SLC2A12: variants seen among roughly 807,000 people sequenced by gnomAD.
SLC2A12 encodes solute carrier family 2, facilitated glucose transporter member 12.
In SLC2A12, 23 loss-of-function variants were observed where a neutral mutation model predicts 41.8. That is an observed-to-expected ratio of 0.55 (90% CI 0.40 to 0.78). The LOEUF (loss-of-function observed/expected upper bound fraction) is 0.78, where lower values mean the gene tolerates loss of function less well. Among genes scored for constraint, SLC2A12 ranks in the 30% least tolerant of loss-of-function variants. The pLI is 0.00. For synonymous variants in SLC2A12, 295 were observed against 285.9 expected (o/e 1.03, Z -0.32); for missense variants, 654 against 745.6 (o/e 0.88, Z 1.43).
At chr6:134,046,154 A>G (rs1414882023) in intron 1 of SLC2A12, among the ~76,000 whole-genome samples, 1 of 152,042 alleles carries the variant, frequency 6.6e-6, no homozygotes, top group African/African-American at 2.4e-5. Context: ...ATAACTCCCA[A>G]CTCTAACTTC....
intron 2 of SLC2A12, among the ~76,000 whole-genome samples, chr6:134,008,440 T>C (rs1776840769): frequency 6.6e-6 from 1 of 152,200 alleles, no homozygotes; most frequent in Admixed American, 6.5e-5. Context: ...GCGTAATTAT[T>C]ATTGTTGTTC....
Position 133,988,595 on chromosome 6 carries a change from T to C in SLC2A12, c.*2560A>G, listed in dbSNP as rs1247387281. 1 of 152,214 alleles carries C rather than the reference T, an allele frequency of 6.6e-6. No individual in the cohort carries two copies. Among genetic ancestry groups the C allele is most frequent in the Non-Finnish European group, 1.5e-5 (1 of 68,038 alleles). The allele number at this position is 152,214 out of a possible 1,614,324, so 9.4% of individuals were successfully genotyped here. On this transcript the variant is annotated 3_prime_UTR_variant, in exon 5 of 5. Coordinates refer to ENST00000275230, the MANE Select transcript of SLC2A12 (RefSeq NM_145176.3). Reference sequence around the variant, plus strand: ...TAGGCACTGCACTGAACAACACATATTATTTTTATCTTTTTTCTTCTCAAT... The same window carrying C: ...TAGGCACTGCACTGAACAACACATACTATTTTTATCTTTTTTCTTCTCAAT...
At position 134,032,016 on chromosome 6, in the gene SLC2A12, T is replaced by C. The variant is rs568367886; in HGVS notation, c.104-2295A>G. On this transcript the variant is annotated intron_variant, in intron 1 of 4. Transcript: ENST00000275230. ...GTAAGTCAAATGTTAGAAATGTGAT[T>C]ACACACACGGTTTTCATAGGCTGAG... is the stretch of plus-strand genomic sequence containing the variant. Among the ~76,000 whole-genome samples the C allele has an allele frequency of 1.1e-4, 17 of 152,244 alleles. No individual in the cohort carries two copies. In the South Asian group the frequency reaches 3.3e-3, roughly 30 times the overall value.
chr6:134,016,995 A>AGAGTC (rs61244235), intron 2 of SLC2A12, among the ~76,000 whole-genome samples: 59,753 of 151,558 alleles, frequency 0.39, 11,720 homozygotes, highest in South Asian at 0.46. Flanking sequence ...TTTTTGGTAA[A>AGAGTC]AAGTTTAAAT....
intron 1 of SLC2A12, among the ~76,000 whole-genome samples, chr6:134,034,982 A>G (rs7767456): frequency 0.081 from 12,292 of 151,888 alleles, 1,389 homozygotes; most frequent in African/African-American, 0.25. Flanking sequence ...CAGAAGTGGA[A>G]ACTACCTGGA....
chr6:134,046,879 T>C (rs191659660), intron 1 of SLC2A12, among the ~76,000 whole-genome samples: 4 of 152,036 alleles, frequency 2.6e-5, no homozygotes, highest in African/African-American at 9.6e-5. Flanking sequence ...TGCTACAACA[T>C]GGGAAGAAAA....
rs369678921 is a variant in SLC2A12 at position 134,029,330 on chromosome 6, G to A, written c.495C>T (p.Gly165=). Residue 165 remains glycine, a synonymous_variant, in exon 2 of 5, where the codon GGC becomes GGT. Coordinates refer to ENST00000275230, the MANE Select transcript of SLC2A12 (RefSeq NM_145176.3). ...TCAGCTCATTCAGTGACACAAGAAG[G>A]CCTCTTCTGTGTTGAGGAGCAATCT... The part of the protein sequence containing the change: ...IAEIAPQHRR[G]LLVSLNELMI... The A allele has an allele frequency of 2.5e-6, 4 of 1,614,170 alleles. No individual in the cohort carries two copies. Among genetic ancestry groups the A allele is most frequent in the South Asian group, 1.1e-5 (1 of 91,086 alleles).
intron 1 of SLC2A12, among the ~76,000 whole-genome samples, chr6:134,047,375 T>C (rs1316409444): frequency 3.3e-5 from 5 of 152,204 alleles, no homozygotes. Flanking sequence ...AAAGGCTAGA[T>C]AGTACCGAGA....
At chr6:134,045,923 G>A (rs1777449630) in intron 1 of SLC2A12, among the ~76,000 whole-genome samples, 1 of 152,164 alleles carries the variant, frequency 6.6e-6, no homozygotes, top group African/African-American at 2.4e-5. Flanking sequence ...AAAATTGGCA[G>A]TACCTACATA....
At chr6:134,026,105 C>A (rs1012163098) in intron 2 of SLC2A12, among the ~76,000 whole-genome samples, 13 of 152,070 alleles carry the variant, frequency 8.5e-5, no homozygotes, top group Non-Finnish European at 1.6e-4. Flanking sequence ...ACCCTTTTAA[C>A]CTGAGAGGTT....
intron 1 of SLC2A12, among the ~76,000 whole-genome samples, chr6:134,038,839 G>C (rs918914559): frequency 1.3e-5 from 2 of 150,626 alleles, no homozygotes; most frequent in Admixed American, 6.6e-5. Context: ...TGAGTAGCTG[G>C]GATTACAGGT....
chr6:134,012,518 AT>A (rs1776900391), intron 2 of SLC2A12, among the ~76,000 whole-genome samples: 2 of 152,292 alleles, frequency 1.3e-5, no homozygotes, highest in Admixed American at 6.5e-5. Context: ...AACAGCTAAC[AT>A]TTTTTCACCA....
intron 1 of SLC2A12, among the ~76,000 whole-genome samples, chr6:134,051,618 A>G (rs901589659): frequency 6.6e-6 from 1 of 152,186 alleles, no homozygotes; most frequent in African/African-American, 2.4e-5. Context: ...AAAGCGTACA[A>G]TGTATTTGTG....
intron 2 of SLC2A12, among the ~76,000 whole-genome samples, chr6:134,016,179 TAATA>T: frequency 6.6e-6 from 1 of 152,118 alleles, no homozygotes; most frequent in East Asian, 1.9e-4. Context: ...GTAGGCTGCA[TAATA>T]AATAGTCTTG....
chr6:134,014,977 T>A (rs905932347), intron 2 of SLC2A12, among the ~76,000 whole-genome samples: 6 of 152,208 alleles, frequency 3.9e-5, no homozygotes, highest in African/African-American at 1.4e-4. Context: ...GTTCTTTAAG[T>A]TTTTCCTGGT....
chr6:134,009,706 GT>G (rs1776856115), intron 2 of SLC2A12, among the ~76,000 whole-genome samples: 1 of 139,684 alleles, frequency 7.2e-6, no homozygotes, highest in African/African-American at 3.0e-5. Flanking sequence ...TAAGCCAGGT[GT>G]GGTGGCACAT....
At chr6:134,014,825 G>C (rs1022941324) in intron 2 of SLC2A12, among the ~76,000 whole-genome samples, 11 of 152,202 alleles carry the variant, frequency 7.2e-5, no homozygotes, top group African/African-American at 1.2e-4. Flanking sequence ...CATGGTGACA[G>C]GACTGATGGT....
intron 1 of SLC2A12, among the ~76,000 whole-genome samples, chr6:134,030,914 A>G (rs1562201057): frequency 6.6e-6 from 1 of 152,200 alleles, no homozygotes; most frequent in Non-Finnish European, 1.5e-5. Context: ...TTATTTATAA[A>G]GTCCACCTTC....
chr6:134,041,894 C>T (rs143802064), intron 1 of SLC2A12, among the ~76,000 whole-genome samples: 8 of 152,196 alleles, frequency 5.3e-5, no homozygotes, highest in Admixed American at 1.3e-4. Flanking sequence ...AGTCCCCTGG[C>T]GTCTCCAGGA....
Sources: gnomAD v4.1 joint callset for allele counts (sites outside exome capture counted in the v4.1 genomes callset) on GRCh38, gnomAD v4.1.1 for gene constraint, MANE v1.5 for transcripts, NCBI Gene and HGNC (gene_info 2026-07-23, HGNC 2026-07-21) for gene names.